Variants in MARK3 observed in about 807,000 individuals in gnomAD.
The protein encoded by MARK3 is microtubule affinity regulating kinase 3.
Under a neutral mutation model 90.1 loss-of-function variants are expected in MARK3, and 46 were observed. The observed-to-expected ratio is 0.51, with a 90% CI of 0.40 to 0.65. The LOEUF (loss-of-function observed/expected upper bound fraction) is 0.65. MARK3 is among the 30% of genes least tolerant of loss of function. The pLI is 0.00. For synonymous variants in MARK3, 321 were observed against 332.6 expected, an observed-to-expected ratio of 0.97 and a Z score of 0.38; for missense variants, 818 against 947.2, an observed-to-expected ratio of 0.86 and a Z score of 1.79.
intron 1 of MARK3, among the ~76,000 whole-genome samples, chr14:103,386,571 C>T (rs1228360376): frequency 6.6e-6 from 1 of 152,202 alleles, no homozygotes; most frequent in East Asian, 1.9e-4. Flanking sequence ...TAAATTTAAT[C>T]ACAGTCACTA....
At chr14:103,451,656 G>C (rs2093149198) in intron 4 of MARK3, among the ~76,000 whole-genome samples, 2 of 152,196 alleles carry the variant, frequency 1.3e-5, no homozygotes, top group Admixed American at 1.3e-4. Flanking sequence ...GTGAGCTCAG[G>C]TACACCTTGC....
Position 103,448,358 on chromosome 14 carries a change from G to A in MARK3, c.298-561G>A, listed in dbSNP as rs1012175246. Among the ~76,000 whole-genome samples the A allele has an allele frequency of 7.9e-5, 12 of 152,214 alleles. No homozygotes were observed. The South Asian group carries it at 8.3e-4, about 11-fold the overall frequency. On this transcript the variant is annotated intron_variant, in intron 3 of 17. Transcript: ENST00000429436. ...TATGAAGGGGGCACTCCACAAAAGC[G>A]TGAACATGTAAGGCATGACTCATGA...
chr14:103,478,243 C>T (rs575345615), intron 13 of MARK3, among the ~76,000 whole-genome samples: 5 of 150,350 alleles, frequency 3.3e-5, no homozygotes, highest in East Asian at 2.0e-4. Context: ...TGCAGTGAGC[C>T]GAGATGGTGC....
At chr14:103,426,939 C>T (rs2092425010) in intron 2 of MARK3, among the ~76,000 whole-genome samples, 1 of 151,460 alleles carries the variant, frequency 6.6e-6, no homozygotes, top group Admixed American at 6.6e-5. Flanking sequence ...CAATACCCAC[C>T]TATTTGTATG....
At chr14:103,485,834 G>A (rs1054775780) in intron 14 of MARK3, among the ~76,000 whole-genome samples, 2 of 151,682 alleles carry the variant, frequency 1.3e-5, no homozygotes, top group South Asian at 2.1e-4. Flanking sequence ...AGAGTTCAAG[G>A]TCAGCCTGGA....
chr14:103,492,070 CAT>C, intron 15 of MARK3, 36 bp downstream of exon 15: 3 of 1,597,546 alleles, frequency 1.9e-6, no homozygotes, highest in Non-Finnish European at 2.6e-6. Flanking sequence ...GGAGTGAACA[CAT>C]AGAGCAAAAG....
At chr14:103,439,623 G>A (rs1306770347) in intron 3 of MARK3, among the ~76,000 whole-genome samples, 1 of 151,924 alleles carries the variant, frequency 6.6e-6, no homozygotes, top group Non-Finnish European at 1.5e-5. Context: ...TGGCCAGGCC[G>A]GTCTTGAACT....
At chr14:103,495,369 A>G (rs116953770) in intron 15 of MARK3, among the ~76,000 whole-genome samples, 487 of 152,032 alleles carry the variant, frequency 3.2e-3, no homozygotes, top group African/African-American at 7.4e-3. Flanking sequence ...AATTCCAGCT[A>G]TTTGGAAGGG....
chr14:103,467,950 C>T, intron 11 of MARK3, 83 bp from the exon 12 acceptor site: 1 of 1,357,410 alleles, frequency 7.4e-7, no homozygotes, highest in Non-Finnish European at 1.0e-6. Context: ...TATGAGAGGT[C>T]TGTGTTAATG....
chr14:103,449,708 A>C (rs1169706168), intron 4 of MARK3, among the ~76,000 whole-genome samples: 1 of 152,184 alleles, frequency 6.6e-6, no homozygotes, highest in African/African-American at 2.4e-5. Context: ...AGAATAAGCA[A>C]ATGACTTAAT....
At chr14:103,472,736 G>A (rs1010586406) in intron 12 of MARK3, among the ~76,000 whole-genome samples, 9 of 151,138 alleles carry the variant, frequency 6.0e-5, no homozygotes, top group African/African-American at 2.2e-4. Flanking sequence ...GGCTGGGCGC[G>A]GTGGCTCACG....
At chr14:103,426,196 A>C (rs2092395996) in intron 2 of MARK3, among the ~76,000 whole-genome samples, 1 of 152,076 alleles carries the variant, frequency 6.6e-6, no homozygotes, top group Non-Finnish European at 1.5e-5. Context: ...AGAAGCTTGT[A>C]TGAAAATTTC....
chr14:103,464,957 G>T (rs943844000), intron 7 of MARK3, among the ~76,000 whole-genome samples: 1 of 151,360 alleles, frequency 6.6e-6, no homozygotes, highest in African/African-American at 2.4e-5. Context: ...ACCTGGCCCT[G>T]CCCCATATTA....
Position 103,491,847 on chromosome 14 carries a change from A to G in MARK3, c.1657A>G (p.Ile553Val), listed in dbSNP as rs755741737. The G allele has an allele frequency of 3.3e-5, 53 of 1,614,062 alleles. No individual in the cohort carries two copies. Among genetic ancestry groups the G allele is most frequent in the Non-Finnish European group, 4.3e-5 (51 of 1,180,042 alleles). Reference sequence around the variant, plus strand: ...CAGTAGTGCAGCCACCCCAGATCGAATCCGCTTCCCAAGAGGCACTGCCAG... The same window carrying G: ...CAGTAGTGCAGCCACCCCAGATCGAGTCCGCTTCCCAAGAGGCACTGCCAG... ...SISSAATPDR[I>V]RFPRGTASRS... is the part of the protein sequence containing the mutation. The change falls in exon 15 of 18, where the codon ATC (isoleucine) becomes GTC (valine). Residue 553 changes from isoleucine (I) to valine (V), a missense_variant. Around this residue, in one of 3 missense-constraint regions of MARK3, gnomAD observed 560 missense variants for 613.5 expected, o/e 0.91. Coordinates refer to ENST00000429436, the MANE Select transcript of MARK3 (RefSeq NM_001128918.3).
intron 1 of MARK3, among the ~76,000 whole-genome samples, chr14:103,389,859 G>A (rs977125739): frequency 2.8e-5 from 4 of 140,892 alleles, no homozygotes; most frequent in Admixed American, 1.5e-4. Flanking sequence ...CTGGAGAATC[G>A]CTTGAACCCT....
intron 13 of MARK3, among the ~76,000 whole-genome samples, chr14:103,477,560 A>G (rs961051558): frequency 1.3e-5 from 2 of 152,194 alleles, no homozygotes; most frequent in African/African-American, 4.8e-5. Flanking sequence ...TTTGGAAGTT[A>G]AATTCATGTG....
chr14:103,415,150 C>CAAA (rs34245934), intron 2 of MARK3, among the ~76,000 whole-genome samples: 2,010 of 37,644 alleles, frequency 0.053, 325 homozygotes, highest in African/African-American at 0.15. Flanking sequence ...GACCTTGTCT[C>CAAA]AAAAAAAAAA....
intron 7 of MARK3, among the ~76,000 whole-genome samples, chr14:103,465,345 A>G (rs2093482643): frequency 1.3e-5 from 2 of 152,204 alleles, no homozygotes; most frequent in Non-Finnish European, 2.9e-5. Context: ...TAGTGCTAGA[A>G]TTAATCTGTA....
chr14:103,485,005 G>A (rs1286224703), intron 14 of MARK3, among the ~76,000 whole-genome samples: 1 of 149,340 alleles, frequency 6.7e-6, no homozygotes, highest in African/African-American at 2.5e-5. Flanking sequence ...ATCACCTGAG[G>A]TCAGGAGTTT....
Sources: allele counts gnomAD v4.1 joint callset (sites outside exome capture counted in the v4.1 genomes callset), GRCh38; gene constraint gnomAD v4.1.1; regional missense constraint gnomAD v4.1.1; transcripts MANE v1.5; gene names NCBI Gene and HGNC (gene_info 2026-07-23, HGNC 2026-07-21).